Variants in USP37 observed in about 807,000 individuals in gnomAD.
USP37 encodes ubiquitin carboxyl-terminal hydrolase 37.
A neutral mutation model predicts 124.0 loss-of-function variants in USP37; 27 were observed. The ratio of observed to expected loss-of-function variants is 0.22; its 90% CI spans 0.16 to 0.30. The LOEUF (loss-of-function observed/expected upper bound fraction) is 0.30. Ranked by LOEUF, USP37 falls within the 10% of genes least tolerant of loss-of-function variation. The pLI, the probability that USP37 is intolerant of heterozygous loss-of-function variation, is 1.00. For synonymous variants in USP37, 365 were observed against 388.0 expected (o/e 0.94, Z 0.70); for missense variants, 889 against 1,140.4 (o/e 0.78, Z 3.17).
chr2:218,496,784 G>A (rs1039101401), intron 13 of USP37, among the ~76,000 whole-genome samples: 3 of 152,040 alleles, frequency 2.0e-5, no homozygotes, highest in African/African-American at 7.2e-5. Context: ...AAGTAGCTGG[G>A]ATTACAGACA....
intron 16 of USP37, among the ~76,000 whole-genome samples, chr2:218,483,051 G>A (rs1691350024): frequency 6.6e-6 from 1 of 152,086 alleles, no homozygotes; most frequent in Admixed American, 6.6e-5. Context: ...CATCACAGAA[G>A]CCACAAACAA....
At chr2:218,458,214 G>A (rs1368095192) in intron 23 of USP37, among the ~76,000 whole-genome samples, 1 of 128,886 alleles carries the variant, frequency 7.8e-6, no homozygotes, top group Admixed American at 8.9e-5. Flanking sequence ...AAGAGCACAC[G>A]CCACTGCACT....
intron 8 of USP37, among the ~76,000 whole-genome samples, chr2:218,538,056 A>G (rs1448364022): frequency 6.6e-6 from 1 of 152,216 alleles, no homozygotes; most frequent in East Asian, 1.9e-4. Context: ...ATTGGGCCCA[A>G]GTAAGAAAGA....
In USP37 at chr2:218,535,091, C is replaced by T. The variant is rs139313291; in HGVS notation, c.681-385G>A. Reference sequence around the variant, plus strand: ...AATTAAAAAGTAAACTGTGGCCAGGCGCGGTGGCTCACTCCTGTAATCCCA... The same window carrying T: ...AATTAAAAAGTAAACTGTGGCCAGGTGCGGTGGCTCACTCCTGTAATCCCA... On this transcript the variant is annotated intron_variant, in intron 8 of 25. Transcript: ENST00000258399. 8.5e-3 allele frequency among the ~76,000 whole-genome samples: 1,292 copies of T among 152,270 alleles called. 27 individuals carry two copies. The highest frequency in any genetic ancestry group is 0.029 in the African/African-American group (1,192 of 41,548).
intron 20 of USP37, among the ~76,000 whole-genome samples, chr2:218,466,401 G>A (rs1690324881): frequency 6.6e-6 from 1 of 152,108 alleles, no homozygotes; most frequent in African/African-American, 2.4e-5. Context: ...AGAAGAGTAT[G>A]TCCTGTGCAT....
chr2:218,527,400 T>G (rs1211719983), intron 10 of USP37, among the ~76,000 whole-genome samples: 1 of 152,332 alleles, frequency 6.6e-6, no homozygotes. Flanking sequence ...AGAAAACAAG[T>G]TCTAAGTTTT....
At chr2:218,528,841 A>AAAAAG in intron 10 of USP37, 1 of 353,340 alleles carries the variant, frequency 2.8e-6, no homozygotes, top group East Asian at 4.1e-5. Flanking sequence ...AAAAAAAAAA[A>AAAAAG]GAGCTTATCT....
At chr2:218,481,919 G>A in intron 17 of USP37, 151 bp downstream of exon 17, 2 of 883,690 alleles carry the variant, frequency 2.3e-6, no homozygotes, top group South Asian at 2.5e-5. Flanking sequence ...CTCCCAAAGT[G>A]CTGGGATTAC....
At chr2:218,543,694 T>C (rs1449627903) in intron 8 of USP37, among the ~76,000 whole-genome samples, 2 of 151,684 alleles carry the variant, frequency 1.3e-5, no homozygotes, top group African/African-American at 4.8e-5. Context: ...CGGGTGCCTG[T>C]AGTCCCAGCT....
chr2:218,561,960 C>T (rs1403998560), intron 2 of USP37, among the ~76,000 whole-genome samples: 2 of 152,112 alleles, frequency 1.3e-5, no homozygotes, highest in East Asian at 1.9e-4. Flanking sequence ...TTTATGTGTT[C>T]TCCCCATCCC....
chr2:218,551,943 C>T (rs1692684373), intron 5 of USP37, among the ~76,000 whole-genome samples: 1 of 152,088 alleles, frequency 6.6e-6, no homozygotes, highest in Non-Finnish European at 1.5e-5. Context: ...CAGGCACTCG[C>T]CACCATGCCT....
intron 10 of USP37, among the ~76,000 whole-genome samples, chr2:218,526,426 G>A (rs1468481400): frequency 6.6e-6 from 1 of 151,710 alleles, no homozygotes; most frequent in Non-Finnish European, 1.5e-5. Context: ...GTAGAGATGG[G>A]GTTTCACCAT....
intron 18 of USP37, 111 bp from the exon 19 acceptor site, chr2:218,477,092 G>GA (rs1230807105): frequency 4.5e-5 from 54 of 1,211,332 alleles, no homozygotes; most frequent in South Asian, 1.5e-4. Flanking sequence ...TTACTTAACA[G>GA]AAAAAAAAGA....
chr2:218,488,249 C>G, intron 15 of USP37, 55 bp downstream of exon 15: 1 of 968,950 alleles, frequency 1.0e-6, no homozygotes, highest in Non-Finnish European at 1.5e-6. Context: ...TATTCAAATA[C>G]AACTATCAAT....
rs1354941622 is a variant in USP37 at position 218,479,679 on chromosome 2, G to C, written c.1872C>G (p.Ser624=). 6.2e-7 allele frequency: 1 copy of C among 1,612,012 alleles called. No individual in the cohort carries two copies. Among genetic ancestry groups the C allele is most frequent in the Non-Finnish European group, 8.5e-7 (1 of 1,179,098 alleles). Residue 624 remains serine, a synonymous_variant, in exon 18 of 26, where the codon TCC becomes TCG. Coordinates refer to ENST00000258399, the MANE Select transcript of USP37 (RefSeq NM_020935.3). ...AAGGTGTAGAAGGGCTGGTGATGCA[G>C]GAATTCACCATTTGAGAGGCTTTCA... is the stretch of plus-strand genomic sequence containing the variant. ...RPLKASQMVN[S]CITSPSTPSK...
rs181297092 is a variant in USP37 at position 218,458,187 on chromosome 2, T to C, written c.2644-1026A>G. The stretch of plus-strand genomic sequence containing the variant: ...ATATAAAAGGAGAAATTCTAAAATA[T>C]AGAAAATGCATGAGCCAAGAGCACA... On this transcript the variant is annotated intron_variant, in intron 23 of 25. Coordinates refer to ENST00000258399, the MANE Select transcript of USP37 (RefSeq NM_020935.3). Among the ~76,000 whole-genome samples the C allele has an allele frequency of 2.5e-3, 326 of 132,422 alleles. 9 individuals carry two copies. The Admixed American group carries it at 0.029, about 12-fold the overall frequency. 86.9% of individuals were successfully genotyped at this position (132,422 alleles called of 152,430 possible).
In USP37 at chr2:218,474,619, A is replaced by G; in HGVS notation, c.2299+11T>C. On this transcript the variant is annotated intron_variant, in intron 20 of 25. Transcript: ENST00000258399. ...TTTGTTTCACAGAGGTTTAATCTTC[A>G]TTAAACCTACCCAGCTCTGTGATTG... 1 of 1,613,360 alleles carries G rather than the reference A, an allele frequency of 6.2e-7. No individual in the cohort carries two copies. Among genetic ancestry groups the G allele is most frequent in the Non-Finnish European group, 8.5e-7 (1 of 1,179,782 alleles).
intron 8 of USP37, among the ~76,000 whole-genome samples, chr2:218,544,319 A>C (rs1692174156): frequency 7.1e-6 from 1 of 140,170 alleles, no homozygotes; most frequent in African/African-American, 2.7e-5. Flanking sequence ...TGGGAGGTGG[A>C]GGTTGCAGTG....
intron 15 of USP37, among the ~76,000 whole-genome samples, chr2:218,486,641 T>C (rs1691578932): frequency 6.6e-6 from 1 of 150,616 alleles, no homozygotes; most frequent in Non-Finnish European, 1.5e-5. Flanking sequence ...CAGGCTGGTA[T>C]TGAACTCCTG....
Sources: allele counts gnomAD v4.1 joint callset (sites outside exome capture counted in the v4.1 genomes callset), GRCh38; gene constraint gnomAD v4.1.1; transcripts MANE v1.5; gene names NCBI Gene and HGNC (gene_info 2026-07-23, HGNC 2026-07-21).